Variants in DOCK4 observed in about 807,000 individuals in gnomAD.
The protein encoded by DOCK4 is dedicator of cytokinesis 4.
DOCK4 carries 97 observed loss-of-function variants against 268.1 expected under a neutral mutation model. The observed-to-expected ratio is 0.36, with a 90% CI of 0.31 to 0.43. The LOEUF (loss-of-function observed/expected upper bound fraction) is 0.43, where lower values mean the gene tolerates loss of function less well. DOCK4 is among the 20% of genes least tolerant of loss of function. The pLI, the probability that DOCK4 is intolerant of heterozygous loss-of-function variation, is 1.00. For synonymous variants in DOCK4, 954 were observed against 887.2 expected (o/e 1.08, Z -1.34); for missense variants, 2,145 against 2,455.7 (o/e 0.87, Z 2.67).
chr7:111,746,205 A>G (rs1796253987), intron 44 of DOCK4, 129 bp downstream of exon 44: 2 of 652,878 alleles, frequency 3.1e-6, no homozygotes, highest in African/African-American at 1.8e-5. Context: ...GATATATTAC[A>G]GGAATCTGTC....
At chr7:111,820,137 A>T (rs1249025464) in intron 27 of DOCK4, 1 of 152,262 alleles carries the variant, frequency 6.6e-6, no homozygotes, top group Non-Finnish European at 1.5e-5. Flanking sequence ...AGCAAACCTC[A>T]TCTGCTTTCA....
intron 42 of DOCK4, among the ~76,000 whole-genome samples, chr7:111,750,844 A>T (rs1207605632): frequency 2.0e-5 from 3 of 152,204 alleles, no homozygotes; most frequent in Non-Finnish European, 4.4e-5. Flanking sequence ...ACTGCCATGG[A>T]TTAAAACAAA....
chr7:111,925,458 G>A (rs138754585), intron 12 of DOCK4, among the ~76,000 whole-genome samples: 33 of 152,278 alleles, frequency 2.2e-4, no homozygotes, highest in African/African-American at 6.0e-4. Context: ...CAATACTATC[G>A]GAAAATGAGT....
intron 41 of DOCK4, among the ~76,000 whole-genome samples, chr7:111,757,120 G>A (rs1176143145): frequency 6.6e-6 from 1 of 152,080 alleles, no homozygotes; most frequent in Non-Finnish European, 1.5e-5. Flanking sequence ...GTGTCGCGGA[G>A]GCTGAGAGGG....
In DOCK4 at chr7:111,892,374, T is replaced by A. The variant is rs149591547; in HGVS notation, c.1587+3238A>T. Among the ~76,000 whole-genome samples the A allele has an allele frequency of 3.7e-3, 559 of 152,258 alleles. 4 individuals carry two copies. The highest frequency in any genetic ancestry group is 0.013 in the African/African-American group (529 of 41,538). ...CATGACCACGCTGGACTAACTTTTT[T>A]GATTTTTAGTAGAGACAGGGTTTCA... On this transcript the variant is annotated intron_variant, in intron 16 of 52. Coordinates refer to ENST00000428084, the MANE Select transcript of DOCK4 (RefSeq NM_001363540.2).
At chr7:111,840,913 C>A in intron 25 of DOCK4, 1 of 1,173,510 alleles carries the variant, frequency 8.5e-7, no homozygotes, top group Non-Finnish European at 1.2e-6. Flanking sequence ...CTTCAGTCTC[C>A]AGAGAATGGA....
At chr7:111,783,018 G>GAAAAAAAAAA in intron 34 of DOCK4, 94 bp from the exon 35 acceptor site, 10 of 512,468 alleles carry the variant, frequency 2.0e-5, no homozygotes, top group South Asian at 3.4e-5. Context: ...AAGAAAGAAA[G>GAAAAAAAAAA]AAAAAAAAAA....
At chr7:111,877,589 C>T (rs1807011000) in intron 16 of DOCK4, among the ~76,000 whole-genome samples, 1 of 151,924 alleles carries the variant, frequency 6.6e-6, no homozygotes, top group African/African-American at 2.4e-5. Flanking sequence ...TTTTCAAAAA[C>T]ACTTAAATTC....
chr7:111,962,318 T>C (rs1796969508), intron 8 of DOCK4, among the ~76,000 whole-genome samples: 1 of 152,216 alleles, frequency 6.6e-6, no homozygotes, highest in African/African-American at 2.4e-5. Context: ...AAAATAATCA[T>C]TCTAATAACT....
chr7:111,766,902 A>C, intron 38 of DOCK4, 130 bp downstream of exon 38: 1 of 646,918 alleles, frequency 1.5e-6, no homozygotes, highest in East Asian at 2.7e-5. Context: ...TAAATAGCTA[A>C]GTATGCTTCA....
intron 1 of DOCK4, among the ~76,000 whole-genome samples, chr7:112,131,852 A>G (rs750259710): frequency 1.3e-5 from 2 of 152,142 alleles, no homozygotes; most frequent in Non-Finnish European, 2.9e-5. Context: ...TTTCAAACTG[A>G]ACTATTGGTA....
intron 41 of DOCK4, among the ~76,000 whole-genome samples, chr7:111,757,711 G>A (rs75006701): frequency 0.011 from 1,690 of 152,090 alleles, 32 homozygotes; most frequent in African/African-American, 0.037. Context: ...GAAATACTTC[G>A]GGGAGTACTG....
chr7:111,887,768 A>T (rs111445395), intron 16 of DOCK4, among the ~76,000 whole-genome samples: 491 of 42,904 alleles, frequency 0.011, 1 homozygote, highest in African/African-American at 0.025. Context: ...AAAAATTATT[A>T]AAAAAAAAAG....
In DOCK4 at chr7:111,738,356, A is replaced by G. The variant is rs553073618; in HGVS notation, c.5232+778T>C. ...TGGCAAAGGCAAACAAATTGCTCCT[A>G]TACTCATGGGTACCCAGATAGGAAT... On this transcript the variant is annotated intron_variant, in intron 49 of 52. Coordinates refer to ENST00000428084, the MANE Select transcript of DOCK4 (RefSeq NM_001363540.2). 1.2e-4 allele frequency among the ~76,000 whole-genome samples: 19 copies of G among 152,334 alleles called. No individual in the cohort carries two copies. The South Asian group carries it at 3.7e-3, about 30-fold the overall frequency.
chr7:111,875,501 TTA>T (rs1170198695), intron 17 of DOCK4, among the ~76,000 whole-genome samples: 1 of 152,150 alleles, frequency 6.6e-6, no homozygotes, highest in Non-Finnish European at 1.5e-5. Flanking sequence ...TTAGGAGGGA[TTA>T]TGTTTCCCTC....
chr7:111,797,655 C>T (rs1301736912), intron 30 of DOCK4, among the ~76,000 whole-genome samples: 1 of 152,112 alleles, frequency 6.6e-6, no homozygotes, highest in African/African-American at 2.4e-5. Flanking sequence ...CTGACTGAAA[C>T]CCCAAAAACT....
At chr7:111,808,776 G>T (rs778249854) in intron 30 of DOCK4, 45 bp downstream of exon 30, 10 of 1,588,664 alleles carry the variant, frequency 6.3e-6, no homozygotes, top group Middle Eastern at 3.3e-4. Context: ...TCAAGGTACA[G>T]CGAGGAGCTG....
chr7:111,898,449 C>A (rs973502981), intron 15 of DOCK4, among the ~76,000 whole-genome samples: 5 of 152,230 alleles, frequency 3.3e-5, no homozygotes, highest in Non-Finnish European at 7.3e-5. Flanking sequence ...GTCTTCACTG[C>A]ACTTCATCAC....
At chr7:111,899,766 T>C (rs1790978177) in intron 15 of DOCK4, among the ~76,000 whole-genome samples, 1 of 152,006 alleles carries the variant, frequency 6.6e-6, no homozygotes, top group African/African-American at 2.4e-5. Flanking sequence ...GTAATAAAAA[T>C]ACAAAAATTA....
Sources: gnomAD v4.1 joint callset for allele counts (sites outside exome capture counted in the v4.1 genomes callset) on GRCh38, gnomAD v4.1.1 for gene constraint, MANE v1.5 for transcripts, NCBI Gene and HGNC (gene_info 2026-07-23, HGNC 2026-07-21) for gene names.